The following SGCD variants were observed in gnomAD, a reference collection of about 807,000 sequenced individuals.
SGCD encodes delta-sarcoglycan.
SGCD carries 18 observed loss-of-function variants against 36.6 expected under a neutral mutation model. The ratio of observed to expected loss-of-function variants is 0.49; its 90% confidence interval spans 0.34 to 0.73. The LOEUF (loss-of-function observed/expected upper bound fraction) is 0.73, where lower values mean the gene tolerates loss of function less well. Ranked by LOEUF, SGCD falls within the 30% of genes least tolerant of loss-of-function variation. The pLI is 0.01. For missense variants in SGCD, 387 were observed against 346.7 expected (o/e 1.12, Z -0.92); for synonymous variants, 133 against 130.6 (o/e 1.02, Z -0.12).
At chr5:155,795,599 T>C in the SGCD span, among the ~76,000 whole-genome samples, 3 of 152,202 alleles carry the variant, frequency 2.0e-5, no homozygotes, top group East Asian at 5.8e-4. Flanking sequence ...ATATGAACAA[T>C]TGAGTACAAT....
At chr5:156,074,564 G>A (rs150674030) in intron 1 of SGCD, among the ~76,000 whole-genome samples, 4,012 of 151,962 alleles carry the variant, frequency 0.026, 90 homozygotes, top group South Asian at 0.06. Context: ...CCTGTAGTCC[G>A]AGCTACTTGG....
chr5:156,021,813 T>C (rs256635), intron 1 of SGCD, among the ~76,000 whole-genome samples: 48,504 of 151,690 alleles, frequency 0.32, 8,750 homozygotes, highest in South Asian at 0.46. Context: ...ATGAGAAGAG[T>C]GATTCGAGGA....
intron 1 of SGCD, among the ~76,000 whole-genome samples, chr5:156,059,349 G>A (rs1291430208): frequency 6.8e-6 from 1 of 146,458 alleles, no homozygotes; most frequent in Admixed American, 6.8e-5. Context: ...GTGAGAGAAG[G>A]CATTGTTGTC....
At chr5:156,661,706 A>G (rs1763934058) in intron 7 of SGCD, among the ~76,000 whole-genome samples, 1 of 150,298 alleles carries the variant, frequency 6.7e-6, no homozygotes, top group Non-Finnish European at 1.5e-5. Context: ...TTTTTGGGTA[A>G]TGATTATCAA....
At chr5:156,316,827 A>C (rs1767529387) in intron 3 of SGCD, among the ~76,000 whole-genome samples, 1 of 152,064 alleles carries the variant, frequency 6.6e-6, no homozygotes, top group African/African-American at 2.4e-5. Context: ...CAAAGGGCTG[A>C]ATGAGGGAGA....
chr5:155,874,801 C>G (rs924969738), intron 1 of SGCD, among the ~76,000 whole-genome samples: 1 of 152,098 alleles, frequency 6.6e-6, no homozygotes, highest in Non-Finnish European at 1.5e-5. Flanking sequence ...GGAAGTCTCA[C>G]TCACTACTAG....
intron 1 of SGCD, among the ~76,000 whole-genome samples, chr5:156,037,767 G>A (rs1414554378): frequency 1.3e-5 from 2 of 152,168 alleles, no homozygotes; most frequent in Admixed American, 1.3e-4. Flanking sequence ...CCCTGCCAAT[G>A]TAGACAGACT....
At chr5:155,815,152 T>C in the SGCD span, among the ~76,000 whole-genome samples, 10 of 152,308 alleles carry the variant, frequency 6.6e-5, no homozygotes, top group South Asian at 1.9e-3. Context: ...TCAAATAATA[T>C]TCTAACTGGA....
chr5:156,340,440 C>T (rs1768591960), intron 2 of SGCD, among the ~76,000 whole-genome samples: 2 of 152,142 alleles, frequency 1.3e-5, no homozygotes, highest in African/African-American at 4.8e-5. Context: ...TCCTAGAAGA[C>T]ATTCCTATAC....
intron 7 of SGCD, among the ~76,000 whole-genome samples, chr5:156,685,320 GA>G (rs1233713800): frequency 6.6e-6 from 1 of 151,806 alleles, no homozygotes; most frequent in East Asian, 1.9e-4. Context: ...GAAGATGGTA[GA>G]AAAAAAAGCT....
At chr5:156,648,714 G>C (rs1383866264) in intron 7 of SGCD, among the ~76,000 whole-genome samples, 2 of 152,118 alleles carry the variant, frequency 1.3e-5, no homozygotes. Context: ...CTTCAGCAGA[G>C]CTTCCACATG....
intron 3 of SGCD, among the ~76,000 whole-genome samples, chr5:156,193,537 C>G (rs1160277644): frequency 6.6e-6 from 1 of 152,142 alleles, no homozygotes; most frequent in Non-Finnish European, 1.5e-5. Context: ...AACATGTCTA[C>G]CCTCCTTACG....
At chr5:156,688,880 C>T (rs771125967) in intron 7 of SGCD, among the ~76,000 whole-genome samples, 4 of 152,234 alleles carry the variant, frequency 2.6e-5, no homozygotes, top group Non-Finnish European at 5.9e-5. Context: ...CAGAGCTTAG[C>T]TGATTTCTTC....
intron 3 of SGCD, among the ~76,000 whole-genome samples, chr5:156,379,257 G>A (rs1229402297): frequency 6.6e-6 from 1 of 152,158 alleles, no homozygotes; most frequent in African/African-American, 2.4e-5. Flanking sequence ...AGTCATAGAT[G>A]GAGGTTAGAA....
chr5:156,050,535 A>G (rs1454837683), intron 1 of SGCD, among the ~76,000 whole-genome samples: 1 of 146,608 alleles, frequency 6.8e-6, no homozygotes, highest in Non-Finnish European at 1.5e-5. Flanking sequence ...TGAGCCTGCA[A>G]TATCTCTGAG....
At chr5:156,756,532 C>T (rs1357831204) in intron 7 of SGCD, among the ~76,000 whole-genome samples, 3 of 152,028 alleles carry the variant, frequency 2.0e-5, no homozygotes, top group Admixed American at 6.6e-5. Context: ...AGGGTGAGAC[C>T]CTGTTTCTAA....
At chr5:156,743,768 T>A (rs1317240623) in intron 7 of SGCD, among the ~76,000 whole-genome samples, 1 of 152,158 alleles carries the variant, frequency 6.6e-6, no homozygotes, top group Non-Finnish European at 1.5e-5. Flanking sequence ...ATGAATAGAT[T>A]TTTCTTTCAA....
chr5:156,365,899 T>C (rs564932107), intron 3 of SGCD, among the ~76,000 whole-genome samples: 1 of 126,570 alleles, frequency 7.9e-6, no homozygotes, highest in African/African-American at 2.6e-5. Flanking sequence ...CATGTATACA[T>C]ATGTGTATAC....
the SGCD span, among the ~76,000 whole-genome samples, chr5:155,816,776 G>A: frequency 1.3e-5 from 2 of 152,130 alleles, no homozygotes; most frequent in Non-Finnish European, 2.9e-5. Flanking sequence ...TAAGTCCTAT[G>A]CAGGTCCCAA....
Sources: allele counts gnomAD v4.1 joint callset (sites outside exome capture counted in the v4.1 genomes callset), GRCh38; gene constraint gnomAD v4.1.1; transcripts MANE v1.5; gene names NCBI Gene and HGNC (gene_info 2026-07-23, HGNC 2026-07-21).